The following RNF187 variants were observed in gnomAD, a reference collection of about 807,000 sequenced individuals.
The protein encoded by RNF187 is E3 ubiquitin-protein ligase RNF187.
A neutral mutation model predicts 22.2 loss-of-function variants in RNF187; 18 were observed. The observed-to-expected ratio is 0.81, with a 90% CI of 0.56 to 1.20. The LOEUF is 1.20. Among genes scored for constraint, RNF187 ranks in the 50% most tolerant of loss-of-function variants. The pLI is 0.00. For synonymous variants in RNF187, 164 were observed against 140.9 expected (o/e 1.16, Z -1.16); for missense variants, 329 against 317.6 (o/e 1.04, Z -0.27).
chr1:228,488,253 C>T, intron 1 of RNF187: 1 of 153,182 alleles, frequency 6.5e-6, no homozygotes, highest in Admixed American at 6.5e-5. Flanking sequence ...CCTCATAGAC[C>T]CCCTCTAGTT....
chr1:228,493,088 C>G lies in RNF187; in HGVS notation c.519C>G (p.Thr173=). ...TGGACCGTAGGAAGAAGGCACTGAC[C>G]GACTACAAGAAGCTGCGGGCCTTCT... The change falls in exon 3 of 4, where the codon ACC becomes ACG. Residue 173 remains threonine, a synonymous_variant. Coordinates refer to ENST00000305943, the MANE Select transcript of RNF187 (RefSeq NM_001010858.3). The surrounding 1 kb of genome is among the most constrained non-coding windows in gnomAD (Gnocchi z 4.7). The G allele has an allele frequency of 1.3e-6, 2 of 1,551,240 alleles. No homozygotes were observed. Among genetic ancestry groups the G allele is most frequent in the Non-Finnish European group, 1.7e-6 (2 of 1,146,706 alleles).
At chr1:228,489,538 G>C in intron 2 of RNF187, among the ~76,000 whole-genome samples, 1 of 152,094 alleles carries the variant, frequency 6.6e-6, no homozygotes, top group South Asian at 2.1e-4. Context: ...GACCTTAAGC[G>C]GTTCTCCCGC....
In RNF187 at chr1:228,494,463, C is replaced by T; in HGVS notation, c.*578C>T. On this transcript the variant is annotated 3_prime_UTR_variant, in exon 4 of 4. Coordinates refer to ENST00000305943, the MANE Select transcript of RNF187 (RefSeq NM_001010858.3). ...GGGCCCGGCCCAGCCTTATCCAAGT[C>T]GCTCTGTCCACCTCCCCCTTCCTGG... 3.6e-5 allele frequency: 36 copies of T among 988,748 alleles called. No homozygotes were observed. The highest frequency in any genetic ancestry group is 2.2e-4 in the East Asian group (2 of 8,920). The allele number at this position is 988,748 out of a possible 1,614,324, so 61.2% of individuals were successfully genotyped here.
In RNF187 at chr1:228,493,015, G is replaced by T; in HGVS notation, c.484-38G>T. On this transcript the variant is annotated intron_variant, in intron 2 of 3. Transcript: ENST00000305943. The surrounding 1 kb of genome is among the most constrained non-coding windows in gnomAD (Gnocchi z 4.7). Reference sequence around the variant, plus strand: ...GGTTCCCCTTCCCCTGGGGAGGGTGGGTGAGGACACAGGTCTTTTCCTGCC... The same window carrying T: ...GGTTCCCCTTCCCCTGGGGAGGGTGTGTGAGGACACAGGTCTTTTCCTGCC... The T allele has an allele frequency of 6.6e-7, 1 of 1,506,312 alleles. No individual in the cohort carries two copies. The highest frequency in any genetic ancestry group is 1.3e-5 in the South Asian group (1 of 77,174). The allele number at this position is 1,506,312 out of a possible 1,614,324, so 93.3% of individuals were successfully genotyped here. A position where few individuals can be genotyped will look rare whatever the true frequency, so the allele number is the denominator to read the frequency against.
Position 228,494,286 on chromosome 1 carries a change from C to T in RNF187, c.*401C>T. 1 of 1,139,846 alleles carries T rather than the reference C, an allele frequency of 8.8e-7. No individual in the cohort carries two copies. Among genetic ancestry groups the T allele is most frequent in the Non-Finnish European group, 1.1e-6 (1 of 920,826 alleles). The allele number at this position is 1,139,846 out of a possible 1,614,324, so 70.6% of individuals were successfully genotyped here. The stretch of plus-strand genomic sequence containing the variant: ...TCCTTGGCAGGTACCTGAGGTGCAC[C>T]ATTGAGTGTCGGATTTGGGGTTAGC... On this transcript the variant is annotated 3_prime_UTR_variant, in exon 4 of 4. Transcript: ENST00000305943.
chr1:228,494,305 G>A lies in RNF187; in HGVS notation c.*420G>A. 1 of 1,096,236 alleles carries A rather than the reference G, an allele frequency of 9.1e-7. No individual in the cohort carries two copies. The highest frequency in any genetic ancestry group is 1.1e-6 in the Non-Finnish European group (1 of 895,176). 67.9% of individuals were successfully genotyped at this position (1,096,236 alleles called of 1,614,324 possible). On this transcript the variant is annotated 3_prime_UTR_variant, in exon 4 of 4. Transcript: ENST00000305943. Reference sequence around the variant, plus strand: ...GTGCACCATTGAGTGTCGGATTTGGGGTTAGCATCCAGAAAGAAGAATGCG... The same window carrying A: ...GTGCACCATTGAGTGTCGGATTTGGAGTTAGCATCCAGAAAGAAGAATGCG...
chr1:228,487,701 C>G lies in RNF187; in HGVS notation c.213C>G (p.Arg71=). 3 of 1,060,056 alleles carry G rather than the reference C, an allele frequency of 2.8e-6. No homozygotes were observed. The South Asian group carries it at 1.3e-4, about 45-fold the overall frequency. The allele number at this position is 1,060,056 out of a possible 1,614,324, so 65.7% of individuals were successfully genotyped here. A position where few individuals can be genotyped will look rare whatever the true frequency, so the allele number is the denominator to read the frequency against. Residue 71 remains arginine, a synonymous_variant, in exon 1 of 4, where the codon CGC becomes CGG. Transcript: ENST00000305943. Reference sequence around the variant, plus strand: ...CCGGCAGGCCCCCGCTCAGCCGCCGCCTTCTGGCGCTCGAGGAGGCGGCCG... The same window carrying G: ...CCGGCAGGCCCCCGCTCAGCCGCCGGCTTCTGGCGCTCGAGGAGGCGGCCG...
intron 2 of RNF187, among the ~76,000 whole-genome samples, chr1:228,490,580 G>A: frequency 1.3e-5 from 2 of 152,214 alleles, no homozygotes; most frequent in Admixed American, 6.5e-5. Flanking sequence ...GAAGGAGTTT[G>A]CAGCGTGTTG....
chr1:228,493,042 C>A lies in RNF187; in HGVS notation c.484-11C>A. ...TGAGGACACAGGTCTTTTCCTGCCACCCGTTTGCAGGGACACGTGATGGAC... is the reference window on the plus strand; with the variant it reads ...TGAGGACACAGGTCTTTTCCTGCCAACCGTTTGCAGGGACACGTGATGGAC... On this transcript the variant is annotated splice_polypyrimidine_tract_variant and intron_variant, in intron 2 of 3. Transcript: ENST00000305943. This position sits in a 1 kb window ranked among gnomAD's most constrained non-coding sequence, Gnocchi z 4.7. 1 of 1,532,830 alleles carries A rather than the reference C, an allele frequency of 6.5e-7. No individual in the cohort carries two copies. Among genetic ancestry groups the A allele is most frequent in the Non-Finnish European group, 8.8e-7 (1 of 1,134,702 alleles). The allele number at this position is 1,532,830 out of a possible 1,614,324, so 95.0% of individuals were successfully genotyped here. A position where few individuals can be genotyped will look rare whatever the true frequency, so the allele number is the denominator to read the frequency against.
At position 228,495,791 on chromosome 1, in the gene RNF187, T is replaced by C; in HGVS notation, c.*1906T>C. Reference sequence around the variant, plus strand: ...GTGATGTTTTGATATCTATGTACATTGTGGAGTGACAGATTAATGTATCCA... The same window carrying C: ...GTGATGTTTTGATATCTATGTACATCGTGGAGTGACAGATTAATGTATCCA... On this transcript the variant is annotated 3_prime_UTR_variant, in exon 4 of 4. Transcript: ENST00000305943. 3.5e-5 allele frequency: 33 copies of C among 949,862 alleles called. No homozygotes were observed. In the African/African-American group the frequency reaches 5.3e-4, roughly 15 times the overall value. 58.8% of individuals were successfully genotyped at this position (949,862 alleles called of 1,614,324 possible).
intron 2 of RNF187, among the ~76,000 whole-genome samples, chr1:228,491,403 A>AAT: frequency 7.2e-4 from 107 of 148,132 alleles, no homozygotes; most frequent in South Asian, 1.7e-3. Flanking sequence ...AAAAAAAAAA[A>AAT]AAAAAATAAA....
At chr1:228,489,400 G>C in intron 2 of RNF187, among the ~76,000 whole-genome samples, 1 of 151,792 alleles carries the variant, frequency 6.6e-6, no homozygotes, top group Admixed American at 6.6e-5. Flanking sequence ...AGCTCGAACT[G>C]GCCTCAGGCG....
chr1:228,489,707 C>A, intron 2 of RNF187, among the ~76,000 whole-genome samples: 1 of 152,150 alleles, frequency 6.6e-6, no homozygotes, highest in Non-Finnish European at 1.5e-5. Flanking sequence ...GAGGGCGTTT[C>A]CTGGTTCATA....
At position 228,493,831 on chromosome 1, in the gene RNF187, G is replaced by A; in HGVS notation, c.706-52G>A. 2.0e-6 allele frequency: 3 copies of A among 1,536,822 alleles called. No individual in the cohort carries two copies. The highest frequency in any genetic ancestry group is 4.9e-5 in the East Asian group (2 of 40,842). Reference sequence around the variant, plus strand: ...CTTTTGCCTCTGTCTCTGACTCTGTGTGTCTCTTTCTCTTTTTGTCTCTCT... The same window carrying A: ...CTTTTGCCTCTGTCTCTGACTCTGTATGTCTCTTTCTCTTTTTGTCTCTCT... On this transcript the variant is annotated intron_variant, in intron 3 of 3. Transcript: ENST00000305943. The surrounding 1 kb of genome is among the most constrained non-coding windows in gnomAD (Gnocchi z 4.7).
chr1:228,492,751 C>T, intron 2 of RNF187, among the ~76,000 whole-genome samples: 2 of 151,148 alleles, frequency 1.3e-5, no homozygotes, highest in African/African-American at 2.4e-5. Context: ...CTCAGCCTCC[C>T]GATTAGCTGG....
Position 228,487,826 on chromosome 1 carries a change from G to T in RNF187, c.338G>T (p.Gly113Val), listed in dbSNP as rs1410481407. 3 of 1,214,954 alleles carry T rather than the reference G, an allele frequency of 2.5e-6. No homozygotes were observed. Among genetic ancestry groups the T allele is most frequent in the Non-Finnish European group, 3.1e-6 (3 of 972,074 alleles). The allele number at this position is 1,214,954 out of a possible 1,614,324, so 75.3% of individuals were successfully genotyped here. A position where few individuals can be genotyped will look rare whatever the true frequency, so the allele number is the denominator to read the frequency against. ...TGCGCCGCCTGCCGTATGGCTGCGG[G>T]CCCCGAGCCGCCCGAGTGGGAACCG... is the stretch of plus-strand genomic sequence containing the variant. The change falls in exon 1 of 4, where the codon GGC becomes GTC. Residue 113 changes from glycine to valine, a missense_variant. Gly to Val is a moderately radical substitution (Grantham distance 109). Transcript: ENST00000305943.
Position 228,496,021 on chromosome 1 carries a change from C to T in RNF187, c.*2136C>T. ...TACAGAGGGCCAACTGCGTACAGTA[C>T]ACGGTTATCAGCTGAAGTCACCATG... On this transcript the variant is annotated 3_prime_UTR_variant, in exon 4 of 4. Coordinates refer to ENST00000305943, the MANE Select transcript of RNF187 (RefSeq NM_001010858.3). Among the ~76,000 whole-genome samples the T allele has an allele frequency of 6.6e-6, 1 of 152,196 alleles. No homozygotes were observed. Among genetic ancestry groups the T allele is most frequent in the Non-Finnish European group, 1.5e-5 (1 of 68,036 alleles).
Position 228,493,420 on chromosome 1 carries a change from G to A in RNF187, c.705+146G>A. 1.4e-6 allele frequency: 2 copies of A among 1,429,938 alleles called. No homozygotes were observed. Among genetic ancestry groups the A allele is most frequent in the Non-Finnish European group, 1.8e-6 (2 of 1,089,404 alleles). The allele number at this position is 1,429,938 out of a possible 1,614,324, so 88.6% of individuals were successfully genotyped here. A position where few individuals can be genotyped will look rare whatever the true frequency, so the allele number is the denominator to read the frequency against. ...GTGGCCTTGCAGGGCTGAATTTCGG[G>A]AATGGGTGGGTGGTCAGGGAAGGTG... On this transcript the variant is annotated intron_variant, in intron 3 of 3. Coordinates refer to ENST00000305943, the MANE Select transcript of RNF187 (RefSeq NM_001010858.3). This position sits in a 1 kb window ranked among gnomAD's most constrained non-coding sequence, Gnocchi z 4.7.
chr1:228,494,008 ATAGT>A lies in RNF187; in HGVS notation c.*125_*128del. 1.9e-6 allele frequency: 3 copies of A among 1,549,152 alleles called. No individual in the cohort carries two copies. The highest frequency in any genetic ancestry group is 2.6e-6 in the Non-Finnish European group (3 of 1,145,834). Reference sequence around the variant, plus strand: ...GGCGCCTGGCCTTGGGTCCATCTACATAGTTGCGTGTTTCAACAATGTCCATTTA... The same window carrying A: ...GGCGCCTGGCCTTGGGTCCATCTACATGCGTGTTTCAACAATGTCCATTTA... On this transcript the variant is annotated 3_prime_UTR_variant, in exon 4 of 4. Coordinates refer to ENST00000305943, the MANE Select transcript of RNF187 (RefSeq NM_001010858.3).
Sources: gnomAD v4.1 joint callset for allele counts (sites outside exome capture counted in the v4.1 genomes callset) on GRCh38, gnomAD v4.1.1 for gene constraint, Gnocchi (gnomAD v3.1) non-coding constraint, MANE v1.5 for transcripts, NCBI Gene and HGNC (gene_info 2026-07-23, HGNC 2026-07-21) for gene names.